The following PPARGC1A variants were observed in gnomAD, a reference collection of about 807,000 sequenced individuals.
PPARGC1A encodes the protein peroxisome proliferator-activated receptor gamma coactivator 1-alpha.
Under a neutral mutation model 88.7 loss-of-function variants are expected in PPARGC1A, and 25 were observed. That is an observed-to-expected ratio of 0.28 (90% CI 0.21 to 0.39). The LOEUF is 0.39. Ranked by LOEUF, PPARGC1A falls within the 10% of genes least tolerant of loss-of-function variation. The pLI, the probability that PPARGC1A is intolerant of heterozygous loss-of-function variation, is 1.00. For synonymous variants in PPARGC1A, 363 were observed against 355.6 expected (o/e 1.02, Z -0.24); for missense variants, 880 against 968.7 (o/e 0.91, Z 1.22).
Position 23,813,830 on chromosome 4 carries a change from C to T in PPARGC1A, c.1653G>A (p.Val551=), listed in dbSNP as rs1721404250. The T allele has an allele frequency of 6.2e-7, 1 of 1,613,942 alleles. No individual in the cohort carries two copies. Among genetic ancestry groups the T allele is most frequent in the East Asian group, 2.2e-5 (1 of 44,848 alleles). ...GAGAAAATAAGGATTTGGGTGGTGA[C>T]ACAGAATCTCTACATGGAGAGTTAA... The part of the protein sequence containing the change: ...SSFNSPCRDS[V]SPPKSLFSQR... Residue 551 remains valine, a synonymous_variant, in exon 8 of 13, where the codon GTG becomes GTA. Coordinates refer to ENST00000264867, the MANE Select transcript of PPARGC1A (RefSeq NM_013261.5).
chr4:24,274,486 C>T, the PPARGC1A span, among the ~76,000 whole-genome samples: 2 of 152,174 alleles, frequency 1.3e-5, no homozygotes, highest in African/African-American at 4.8e-5. Context: ...AGAGAAGCAG[C>T]CATAGACAGT....
chr4:24,218,778 A>G, the PPARGC1A span, among the ~76,000 whole-genome samples: 7 of 152,206 alleles, frequency 4.6e-5, no homozygotes, highest in Non-Finnish European at 1.0e-4. Context: ...TTGTTGCTCA[A>G]TGTGCCTCTT....
chr4:23,972,368 G>C, the PPARGC1A span, among the ~76,000 whole-genome samples: 1 of 152,164 alleles, frequency 6.6e-6, no homozygotes, highest in Non-Finnish European at 1.5e-5. Context: ...AAGTTTCAGA[G>C]AACTATAGAT....
At chr4:24,282,193 G>A in the PPARGC1A span, among the ~76,000 whole-genome samples, 4 of 152,198 alleles carry the variant, frequency 2.6e-5, no homozygotes, top group Non-Finnish European at 5.9e-5. Flanking sequence ...AGGTCACATA[G>A]TTGTACAGAA....
chr4:24,175,363 T>TTC, the PPARGC1A span, among the ~76,000 whole-genome samples: 1,311 of 148,796 alleles, frequency 8.8e-3, 28 homozygotes, highest in African/African-American at 0.031. Flanking sequence ...TTTTTTTTTT[T>TTC]CTCTTTGTTT....
the PPARGC1A span, among the ~76,000 whole-genome samples, chr4:24,015,150 C>T: frequency 6.6e-6 from 1 of 151,916 alleles, no homozygotes. Context: ...TTTAGGTCAA[C>T]AGAAATAGAT....
At chr4:24,209,385 T>A in the PPARGC1A span, among the ~76,000 whole-genome samples, 1 of 152,312 alleles carries the variant, frequency 6.6e-6, no homozygotes, top group East Asian at 1.9e-4. Flanking sequence ...TTTCTCCCTG[T>A]TCCTCAGCAG....
chr4:24,316,480 A>G, the PPARGC1A span, among the ~76,000 whole-genome samples: 2 of 152,372 alleles, frequency 1.3e-5, no homozygotes, highest in Admixed American at 1.3e-4. Flanking sequence ...TAGGCTGCTG[A>G]GGAGCCTTAG....
chr4:24,345,825 G>C, the PPARGC1A span, among the ~76,000 whole-genome samples: 5 of 152,124 alleles, frequency 3.3e-5, no homozygotes, highest in South Asian at 1.0e-3. Flanking sequence ...TGTTGAAGAG[G>C]AGTGGTGAGA....
At chr4:24,374,856 G>A in the PPARGC1A span, among the ~76,000 whole-genome samples, 1 of 151,938 alleles carries the variant, frequency 6.6e-6, no homozygotes, top group Non-Finnish European at 1.5e-5. Flanking sequence ...AATTAAACAT[G>A]GTGTTACTAT....
At position 23,801,814 on chromosome 4, in the gene PPARGC1A, T is replaced by C. The variant is rs779239601; in HGVS notation, c.2209A>G (p.Thr737Ala). The C allele has an allele frequency of 1.9e-6, 3 of 1,613,986 alleles. No homozygotes were observed. Among genetic ancestry groups the C allele is most frequent in the Non-Finnish European group, 2.5e-6 (3 of 1,179,962 alleles). The change falls in exon 12 of 13, where the codon ACT becomes GCT. Residue 737 changes from threonine to alanine, a missense_variant. Thr to Ala is a moderately conservative substitution (Grantham distance 58, BLOSUM62 0). Coordinates refer to ENST00000264867, the MANE Select transcript of PPARGC1A (RefSeq NM_013261.5). ...DAFAALENGY[T>A]LRRSNETDFE... ...TCAGTTTCGTTTGACCTGCGCAAAGTGTATCCATTTTCAAGAGCAGCAAAA... is the reference window on the plus strand; with the variant it reads ...TCAGTTTCGTTTGACCTGCGCAAAGCGTATCCATTTTCAAGAGCAGCAAAA...
chr4:24,091,913 T>C, the PPARGC1A span, among the ~76,000 whole-genome samples: 61 of 128,064 alleles, frequency 4.8e-4, no homozygotes, highest in African/African-American at 1.9e-3. Context: ...TGCTCCCGTC[T>C]TCTCCTTGCC....
At chr4:23,897,756 C>T (rs1577693019) in intron 1 of PPARGC1A, among the ~76,000 whole-genome samples, 5 of 152,334 alleles carry the variant, frequency 3.3e-5, no homozygotes, top group South Asian at 2.1e-4. Flanking sequence ...AAATATAATA[C>T]TTTCAACCAC....
chr4:23,887,534 T>G (rs1018885167), intron 1 of PPARGC1A, among the ~76,000 whole-genome samples: 1 of 152,200 alleles, frequency 6.6e-6, no homozygotes, highest in Non-Finnish European at 1.5e-5. Flanking sequence ...ATTTCACAAC[T>G]GTAGCCTCAA....
the PPARGC1A span, among the ~76,000 whole-genome samples, chr4:24,449,118 C>T: frequency 2.6e-5 from 4 of 152,298 alleles, no homozygotes; most frequent in South Asian, 2.1e-4. Context: ...GACTCACCAA[C>T]GAAGGCAGTT....
At chr4:24,049,464 C>G in the PPARGC1A span, among the ~76,000 whole-genome samples, 9 of 151,152 alleles carry the variant, frequency 6.0e-5, no homozygotes, top group Admixed American at 5.9e-4. Flanking sequence ...CAATACACTC[C>G]TGGGGTGAAT....
At chr4:23,938,699 G>A in the PPARGC1A span, among the ~76,000 whole-genome samples, 98 of 152,256 alleles carry the variant, frequency 6.4e-4, no homozygotes, top group Middle Eastern at 3.4e-3. Flanking sequence ...CATTAGGCAG[G>A]GATCACATAG....
At chr4:23,999,139 G>T in the PPARGC1A span, among the ~76,000 whole-genome samples, 1 of 152,196 alleles carries the variant, frequency 6.6e-6, no homozygotes, top group Admixed American at 6.5e-5. Context: ...GCATATCTAC[G>T]AGAATACCAA....
chr4:23,825,583 T>C (rs1723782363), intron 5 of PPARGC1A, among the ~76,000 whole-genome samples: 1 of 152,134 alleles, frequency 6.6e-6, no homozygotes, highest in South Asian at 2.1e-4. Flanking sequence ...TCCTTTATCC[T>C]ATTGTCAAAA....
Sources: gnomAD v4.1 joint callset for allele counts (sites outside exome capture counted in the v4.1 genomes callset) on GRCh38, gnomAD v4.1.1 for gene constraint, MANE v1.5 for transcripts, NCBI Gene and HGNC (gene_info 2026-07-23, HGNC 2026-07-21) for gene names.